The following CHRDL1 variants were observed in gnomAD, a reference collection of about 807,000 sequenced individuals.
CHRDL1 encodes the protein chordin like 1.
A neutral mutation model predicts 40.9 loss-of-function variants in CHRDL1; 19 were observed. That is an observed-to-expected ratio of 0.46 (90% confidence interval 0.32 to 0.68). The LOEUF (loss-of-function observed/expected upper bound fraction) is 0.68, where lower values mean the gene tolerates loss of function less well. Ranked by LOEUF, CHRDL1 falls within the 30% of genes least tolerant of loss-of-function variation. The probability of loss-of-function intolerance (pLI) is 0.03; values close to 1 mark genes in which losing one functional copy is unlikely to be tolerated. For missense variants in CHRDL1, 329 were observed against 352.1 expected (o/e 0.93, Z 0.53); for synonymous variants, 136 against 123.4 (o/e 1.10, Z -0.68).
At chrX:110,689,763 C>A (rs765482443) in intron 8 of CHRDL1, among the ~76,000 whole-genome samples, 3 of 14,605 alleles carry the variant, frequency 2.1e-4, no homozygotes, top group East Asian at 7.7e-4. Context: ...ATCTATATAT[C>A]TATATATATC....
chrX:110,737,134 G>C (rs188249928), intron 4 of CHRDL1, among the ~76,000 whole-genome samples: 1 of 111,780 alleles, frequency 8.9e-6, no homozygotes, highest in Non-Finnish European at 1.9e-5. Context: ...CTTACACACG[G>C]ACACACAGAA....
At chrX:110,736,501 C>A (rs955301627) in intron 4 of CHRDL1, among the ~76,000 whole-genome samples, 1 of 111,820 alleles carries the variant, frequency 8.9e-6, no homozygotes, top group African/African-American at 3.3e-5. Context: ...TGATAGGGGT[C>A]AGAGATCAAA....
chrX:110,678,218 A>G (rs895916139), intron 11 of CHRDL1, among the ~76,000 whole-genome samples: 7 of 112,112 alleles, frequency 6.2e-5, no homozygotes, highest in African/African-American at 2.3e-4. Context: ...GCACTTCATA[A>G]TCTGGCTTCG....
chrX:110,749,138 A>G (rs1033884033), intron 4 of CHRDL1, among the ~76,000 whole-genome samples: 5 of 111,633 alleles, frequency 4.5e-5, no homozygotes, highest in Non-Finnish European at 9.4e-5. Flanking sequence ...TATTAAAATA[A>G]TAAAAGAATA....
chrX:110,793,823 G>A (rs1287780824), intron 1 of CHRDL1, among the ~76,000 whole-genome samples: 1 of 111,730 alleles, frequency 9.0e-6, no homozygotes, highest in East Asian at 2.8e-4. Context: ...TGGGCGATTC[G>A]GTGAACTGTA....
At chrX:110,710,170 G>A (rs2070721927) in intron 6 of CHRDL1, among the ~76,000 whole-genome samples, 1 of 111,878 alleles carries the variant, frequency 8.9e-6, no homozygotes, top group South Asian at 3.8e-4. Context: ...TCCTTCTCAT[G>A]TATCTTTTAC....
In CHRDL1 at chrX:110,677,501, G is replaced by A. The variant is rs2069803814; in HGVS notation, c.1247-1140C>T. 6.3e-5 allele frequency among the ~76,000 whole-genome samples: 7 copies of A among 111,403 alleles called. No homozygotes were observed. In the South Asian group the frequency reaches 2.7e-3, roughly 43 times the overall value. On this transcript the variant is annotated intron_variant, in intron 11 of 11. Transcript: ENST00000372042. ...CATTATATACCCCAAATCCTGCCAT[G>A]GGCACAGAGTATATCTAAATCATCT...
chrX:110,761,351 A>G (rs1476407726), intron 3 of CHRDL1, among the ~76,000 whole-genome samples: 1 of 111,888 alleles, frequency 8.9e-6, no homozygotes, highest in Non-Finnish European at 1.9e-5. Context: ...CTGACAGCCC[A>G]AAATTATGTT....
chrX:110,748,698 C>A (rs939891877), intron 4 of CHRDL1, among the ~76,000 whole-genome samples: 2 of 112,220 alleles, frequency 1.8e-5, no homozygotes, highest in African/African-American at 6.5e-5. Context: ...CCTGGATGAA[C>A]CTTAAAGACA....
intron 4 of CHRDL1, among the ~76,000 whole-genome samples, chrX:110,751,066 C>T (rs767236997): frequency 1.1e-4 from 12 of 111,251 alleles, no homozygotes; most frequent in Non-Finnish European, 1.5e-4. Flanking sequence ...GTCCTCAATC[C>T]GACTGCATCA....
At chrX:110,756,822 C>G (rs1486514470) in intron 4 of CHRDL1, among the ~76,000 whole-genome samples, 1 of 111,986 alleles carries the variant, frequency 8.9e-6, no homozygotes, top group Non-Finnish European at 1.9e-5. Context: ...GGTGACAATT[C>G]ACATCTAAAA....
chrX:110,707,353 A>G lies in CHRDL1; in HGVS notation c.542-6632T>C, dbSNP rs774189804. On this transcript the variant is annotated intron_variant, in intron 6 of 11. Transcript: ENST00000372042. ...AGCCAGGACAATCCTAAGCAAAAGG[A>G]ACAAAGCTGGAGGCATCACACTATC... is the stretch of plus-strand genomic sequence containing the variant. Among the ~76,000 whole-genome samples the G allele has an allele frequency of 4.5e-5, 5 of 112,028 alleles. No individual in the cohort carries two copies. The East Asian group carries it at 1.4e-3, about 31-fold the overall frequency.
intron 6 of CHRDL1, among the ~76,000 whole-genome samples, chrX:110,701,655 A>T (rs1392130782): frequency 9.0e-6 from 1 of 110,965 alleles, no homozygotes; most frequent in Non-Finnish European, 1.9e-5. Flanking sequence ...CTCTACAGAA[A>T]ATACGAAAAC....
At chrX:110,769,679 A>G (rs1289995325) in intron 2 of CHRDL1, among the ~76,000 whole-genome samples, 1 of 112,299 alleles carries the variant, frequency 8.9e-6, no homozygotes, top group Non-Finnish European at 1.9e-5. Flanking sequence ...CTCACATGGC[A>G]GCATTCAAGA....
chrX:110,786,403 C>A (rs1342076303), intron 2 of CHRDL1, among the ~76,000 whole-genome samples: 1 of 111,772 alleles, frequency 8.9e-6, no homozygotes, highest in African/African-American at 3.3e-5. Flanking sequence ...TTTGCAATTA[C>A]CTTGTGACAA....
At chrX:110,742,768 C>T (rs1410636405) in intron 4 of CHRDL1, among the ~76,000 whole-genome samples, 3 of 111,830 alleles carry the variant, frequency 2.7e-5, no homozygotes, top group Non-Finnish European at 5.6e-5. Context: ...AGTGCTGTCA[C>T]TTCAAGAAAG....
At chrX:110,696,815 ACT>A (rs2070395565) in intron 7 of CHRDL1, among the ~76,000 whole-genome samples, 1 of 110,491 alleles carries the variant, frequency 9.1e-6, no homozygotes, top group South Asian at 3.9e-4. Context: ...TCCCCAAGAG[ACT>A]CTGGTTTGAA....
chrX:110,684,267 A>T (rs1192618968), intron 9 of CHRDL1, among the ~76,000 whole-genome samples: 1 of 112,366 alleles, frequency 8.9e-6, no homozygotes, highest in Non-Finnish European at 1.9e-5. Context: ...TGTTACAATG[A>T]AACTTTTGGC....
chrX:110,705,284 T>C lies in CHRDL1; in HGVS notation c.542-4563A>G, dbSNP rs868525805. On this transcript the variant is annotated intron_variant, in intron 6 of 11. Coordinates refer to ENST00000372042, the MANE Select transcript of CHRDL1 (RefSeq NM_001143981.2). ...CTTCATTAAAAAGTAATGGAGACTA[T>C]ATATATATATATATATATATACACA... Among the ~76,000 whole-genome samples the C allele has an allele frequency of 2.9e-4, 13 of 44,732 alleles. No homozygotes were observed. In the African/African-American group the frequency reaches 4.3e-3, roughly 15 times the overall value. 38.8% of individuals were successfully genotyped at this position (44,732 alleles called of 115,157 possible). A position where few individuals can be genotyped will look rare whatever the true frequency, so the allele number is the denominator to read the frequency against.
Sources: allele counts gnomAD v4.1 joint callset (sites outside exome capture counted in the v4.1 genomes callset), GRCh38; gene constraint gnomAD v4.1.1; transcripts MANE v1.5; gene names NCBI Gene and HGNC (gene_info 2026-07-23, HGNC 2026-07-21).